Variants in MSMO1 observed in about 807,000 individuals in gnomAD.
MSMO1 encodes methylsterol monooxygenase 1, also known as C-4 methylsterol oxidase.
Under a neutral mutation model 30.4 loss-of-function variants are expected in MSMO1, and 18 were observed. The ratio of observed to expected loss-of-function variants is 0.59; its 90% CI spans 0.41 to 0.88. MSMO1 has a LOEUF of 0.88. Ranked by LOEUF, MSMO1 falls within the 40% of genes least tolerant of loss-of-function variation. The pLI is 0.00. For missense variants in MSMO1, 284 were observed against 340.5 expected (o/e 0.83, Z 1.31); for synonymous variants, 84 against 107.9 (o/e 0.78, Z 1.37).
intron 4 of MSMO1, among the ~76,000 whole-genome samples, chr4:165,339,833 C>T (rs1006386272): frequency 2.6e-5 from 4 of 152,148 alleles, no homozygotes; most frequent in African/African-American, 7.2e-5. Context: ...GTGCGGCTGT[C>T]AAGTCTGAAA....
At position 165,337,883 on chromosome 4, in the gene MSMO1, A is replaced by G. The variant is rs544585398; in HGVS notation, c.350A>G (p.Tyr117Cys). The G allele has an allele frequency of 1.9e-6, 3 of 1,613,168 alleles. No homozygotes were observed. In the East Asian group the frequency reaches 6.7e-5, roughly 36 times the overall value. ...CIQLPLICGT[Y>C]YFTEYFNIPY... ...CAGCTGCCTTTGATTTGTGGAACCT[A>G]TTATTTTACAGAGTATTTCAATATT... is the stretch of plus-strand genomic sequence containing the variant. The change falls in exon 3 of 6, where the codon TAT (tyrosine) becomes TGT (cysteine). Residue 117 changes from tyrosine to cysteine, a missense_variant. By Grantham distance (194) the Tyr-to-Cys change is radical. Transcript: ENST00000261507.
At chr4:165,335,638 C>T (rs994918730) in intron 2 of MSMO1, among the ~76,000 whole-genome samples, 1 of 152,142 alleles carries the variant, frequency 6.6e-6, no homozygotes, top group Non-Finnish European at 1.5e-5. Context: ...AACTGACTCA[C>T]TGGTTAGAAG....
At chr4:165,340,983 T>G (rs1747700129) in intron 5 of MSMO1, among the ~76,000 whole-genome samples, 1 of 152,166 alleles carries the variant, frequency 6.6e-6, no homozygotes, top group South Asian at 2.1e-4. Context: ...AATTAATGCT[T>G]CTAGTCCTAG....
rs1166976330 is a variant in MSMO1 at position 165,338,652 on chromosome 4, G to T, written c.405G>T (p.Trp135Cys). ...IPYDWERMPR[W>C]YFLLARCFGC... ...ACATTACAACATTTTTATCTTAAAG[G>T]TATTTTCTTTTGGCAAGATGCTTTG... Residue 135 changes from tryptophan (W) to cysteine (C), a missense_variant and splice_region_variant, in exon 4 of 6, where the codon TGG becomes TGT. Physicochemically the swap from Trp to Cys is radical, Grantham distance 215 (BLOSUM62 -2). Transcript: ENST00000261507. 3 of 1,607,712 alleles carry T rather than the reference G, an allele frequency of 1.9e-6. No homozygotes were observed. Among genetic ancestry groups the T allele is most frequent in the Non-Finnish European group, 2.6e-6 (3 of 1,174,532 alleles).
intron 5 of MSMO1, chr4:165,340,578 TAATGTGTTATTAGGGC>T (rs1747688754): frequency 1.7e-6 from 1 of 581,972 alleles, no homozygotes; most frequent in Admixed American, 3.1e-5. Flanking sequence ...TTTATAGTGA[TAATGTGTTATTAGGGC>T]AAGTATATAT....
At chr4:165,341,707 G>A (rs1387959179) in intron 5 of MSMO1, 44 bp from the exon 6 acceptor site, 2 of 1,488,336 alleles carry the variant, frequency 1.3e-6, no homozygotes, top group Admixed American at 3.3e-5. Context: ...ACAATCATTT[G>A]AGATGTATTT....
At chr4:165,338,025 G>A in intron 3 of MSMO1, 88 bp downstream of exon 3, 1 of 1,229,612 alleles carries the variant, frequency 8.1e-7, no homozygotes, top group South Asian at 1.3e-5. Context: ...CTTAATTTTA[G>A]TTAATGTTTG....
At chr4:165,331,676 A>G (rs1297413724) in intron 1 of MSMO1, among the ~76,000 whole-genome samples, 1 of 152,182 alleles carries the variant, frequency 6.6e-6, no homozygotes, top group Non-Finnish European at 1.5e-5. Flanking sequence ...GGGGACTTTT[A>G]AAGCACTATT....
chr4:165,329,865 A>C (rs1204702393), intron 1 of MSMO1, among the ~76,000 whole-genome samples: 1 of 151,744 alleles, frequency 6.6e-6, no homozygotes, highest in Non-Finnish European at 1.5e-5. Context: ...GGAACTCCTG[A>C]CCTTGTGATC....
intron 2 of MSMO1, 63 bp downstream of exon 2, chr4:165,333,688 A>G: frequency 1.4e-6 from 2 of 1,455,102 alleles, no homozygotes; most frequent in Non-Finnish European, 9.3e-7. Context: ...TTAAAAGTAC[A>G]TAGGGCTTTG....
intron 2 of MSMO1, among the ~76,000 whole-genome samples, chr4:165,336,718 C>T (rs995698499): frequency 2.6e-5 from 4 of 152,182 alleles, no homozygotes; most frequent in Admixed American, 6.5e-5. Flanking sequence ...GTTGAAGAAA[C>T]TGAGTTGTAA....
chr4:165,339,037 G>A (rs566623167), intron 4 of MSMO1, among the ~76,000 whole-genome samples: 5 of 147,860 alleles, frequency 3.4e-5, no homozygotes, highest in African/African-American at 1.2e-4. Flanking sequence ...TGCTACACTG[G>A]CACAGCTAGA....
At chr4:165,339,817 G>T (rs1395892511) in intron 4 of MSMO1, among the ~76,000 whole-genome samples, 2 of 152,212 alleles carry the variant, frequency 1.3e-5, no homozygotes, top group Admixed American at 1.3e-4. Flanking sequence ...ATCAGCTCAT[G>T]CAAGTGTGCG....
At chr4:165,339,617 G>C (rs1747662621) in intron 4 of MSMO1, among the ~76,000 whole-genome samples, 1 of 152,120 alleles carries the variant, frequency 6.6e-6, no homozygotes, top group Non-Finnish European at 1.5e-5. Flanking sequence ...TTTTGATGTG[G>C]AGTAAGGTAT....
At chr4:165,327,855 C>G (rs958162331) in intron 1 of MSMO1, 91 bp downstream of exon 1, 1 of 152,532 alleles carries the variant, frequency 6.6e-6, no homozygotes, top group African/African-American at 2.4e-5. Context: ...GGAGCGGGTT[C>G]TGGGTGCGGA....
chr4:165,339,787 A>G (rs576213915), intron 4 of MSMO1, among the ~76,000 whole-genome samples: 1 of 152,324 alleles, frequency 6.6e-6, no homozygotes, highest in East Asian at 1.9e-4. Flanking sequence ...ATATATGCAG[A>G]GAGAGATTTA....
rs1433918572 is a variant in MSMO1 at position 165,327,783 on chromosome 4, T to G, written c.-32+19T>G. On this transcript the variant is annotated intron_variant, in intron 1 of 5. Transcript: ENST00000261507. ...CGTTCAGGTGAGGGGGTTGGAGGAG[T>G]GGCTCATGAGCGAGGAAGGGGGAGC... 1.3e-5 allele frequency: 2 copies of G among 151,188 alleles called. No homozygotes were observed. The highest frequency in any genetic ancestry group is 2.9e-5 in the Non-Finnish European group (2 of 67,912). The allele number at this position is 151,188 out of a possible 1,614,324, so 9.4% of individuals were successfully genotyped here.
In MSMO1 at chr4:165,333,336, A is replaced by G; in HGVS notation, c.-31-4A>G. The G allele has an allele frequency of 6.2e-7, 1 of 1,607,304 alleles. No homozygotes were observed. Among genetic ancestry groups the G allele is most frequent in the Non-Finnish European group, 8.5e-7 (1 of 1,176,968 alleles). ...ACTTATTATATATGTATTCATTTCT[A>G]CAGAATTATAAGGCTGTCTGCAGAG... On this transcript the variant is annotated splice_region_variant and splice_polypyrimidine_tract_variant and intron_variant, in intron 1 of 5. Transcript: ENST00000261507.
chr4:165,331,523 C>T (rs1747389665), intron 1 of MSMO1, among the ~76,000 whole-genome samples: 1 of 152,064 alleles, frequency 6.6e-6, no homozygotes, highest in Non-Finnish European at 1.5e-5. Flanking sequence ...ACACTATAGT[C>T]ACTGTGGTGT....
Sources: allele counts gnomAD v4.1 joint callset (sites outside exome capture counted in the v4.1 genomes callset), GRCh38; gene constraint gnomAD v4.1.1; transcripts MANE v1.5; gene names NCBI Gene and HGNC (gene_info 2026-07-23, HGNC 2026-07-21).